The following CD1B variants were observed in gnomAD, a reference collection of about 807,000 sequenced individuals.
CD1B encodes the protein CD1b molecule.
In CD1B, 43 loss-of-function variants were observed where a neutral mutation model predicts 39.8. The ratio of observed to expected loss-of-function variants is 1.08; its 90% CI spans 0.85 to 1.39. CD1B has a LOEUF of 1.39. Ranked by LOEUF, CD1B falls within the 40% of genes most tolerant of loss-of-function variation. CD1B has a pLI of 0.00. For missense variants in CD1B, 495 were observed against 403.8 expected (o/e 1.23, Z -1.94); for synonymous variants, 192 against 152.5 (o/e 1.26, Z -1.91).
chr1:158,324,434 A>G (rs1038398268), downstream of CD1B, among the ~76,000 whole-genome samples: 1 of 152,198 alleles, frequency 6.6e-6, no homozygotes, highest in Non-Finnish European at 1.5e-5. Flanking sequence ...CTATTCCACC[A>G]TCTTTCTGAC....
chr1:158,300,638 G>A, the CD1B span, among the ~76,000 whole-genome samples: 1 of 152,110 alleles, frequency 6.6e-6, no homozygotes, highest in Non-Finnish European at 1.5e-5. Context: ...GGTCTGTAAG[G>A]ACTCATTATA....
chr1:158,292,729 C>T, the CD1B span: 7 of 1,614,020 alleles, frequency 4.3e-6, no homozygotes, highest in African/African-American at 6.7e-5. Flanking sequence ...AGCAACTGGG[C>T]ACTAAACATG....
At chr1:158,308,583 C>T in the CD1B span, among the ~76,000 whole-genome samples, 2 of 152,162 alleles carry the variant, frequency 1.3e-5, no homozygotes, top group Non-Finnish European at 2.9e-5. Context: ...TCAAACTATA[C>T]TACAAGGCTA....
chr1:158,305,578 G>T, the CD1B span, among the ~76,000 whole-genome samples: 2 of 152,080 alleles, frequency 1.3e-5, no homozygotes, highest in East Asian at 1.9e-4. Context: ...GAAATACAGA[G>T]AATGCCACAA....
In CD1B at chr1:158,331,360, T is replaced by C. The variant is rs1339140623; in HGVS notation, c.61+3A>G. On this transcript the variant is annotated splice_donor_region_variant and intron_variant, in intron 1 of 5. Transcript: ENST00000368168. ...TGCTGGGAGCTGCCAGAGTGACTCT[T>C]ACCATGTTCACTGTTACCACCAGGA... is the stretch of plus-strand genomic sequence containing the variant. The C allele has an allele frequency of 1.9e-6, 3 of 1,613,094 alleles. No individual in the cohort carries two copies. Among genetic ancestry groups the C allele is most frequent in the Non-Finnish European group, 2.5e-6 (3 of 1,179,094 alleles).
the CD1B span, among the ~76,000 whole-genome samples, chr1:158,310,364 T>C: frequency 2.6e-5 from 4 of 152,092 alleles, no homozygotes; most frequent in Non-Finnish European, 4.4e-5. Flanking sequence ...ACTACAGAAA[T>C]CTTGGAAGAA....
chr1:158,306,927 G>A, the CD1B span, among the ~76,000 whole-genome samples: 23 of 151,902 alleles, frequency 1.5e-4, no homozygotes, highest in Non-Finnish European at 3.2e-4. Context: ...ACACATTCAA[G>A]GCAGTGTGTA....
At chr1:158,298,720 A>G in the CD1B span, among the ~76,000 whole-genome samples, 1 of 152,162 alleles carries the variant, frequency 6.6e-6, no homozygotes, top group African/African-American at 2.4e-5. Context: ...CTCCTTGAAG[A>G]GGTCCTTCAC....
the CD1B span, among the ~76,000 whole-genome samples, chr1:158,317,228 G>C: frequency 3.7e-4 from 56 of 152,010 alleles, 1 homozygote; most frequent in South Asian, 0.012. Flanking sequence ...AATAGTTTCA[G>C]AAGGAATGGT....
downstream of CD1B, among the ~76,000 whole-genome samples, chr1:158,327,795 G>A (rs1485803809): frequency 6.6e-6 from 1 of 152,170 alleles, no homozygotes; most frequent in Non-Finnish European, 1.5e-5. Context: ...AATTCATCCA[G>A]GCAGAGACAG....
chr1:158,315,863 G>A, the CD1B span, among the ~76,000 whole-genome samples: 1,510 of 152,088 alleles, frequency 9.9e-3, 38 homozygotes, highest in African/African-American at 0.035. Context: ...TCCAGTTTCA[G>A]CTTTCTACAT....
intron 3 of CD1B, 50 bp downstream of exon 3, chr1:158,329,802 C>T: frequency 1.3e-6 from 2 of 1,583,108 alleles, no homozygotes; most frequent in Non-Finnish European, 1.7e-6. Context: ...TATCTTCCTA[C>T]TCTTGATCTT....
chr1:158,305,233 A>G, the CD1B span, among the ~76,000 whole-genome samples: 1 of 152,208 alleles, frequency 6.6e-6, no homozygotes, highest in African/African-American at 2.4e-5. Context: ...AATGCAGAGA[A>G]GTCTTTAAAG....
At chr1:158,305,695 C>T in the CD1B span, among the ~76,000 whole-genome samples, 3 of 152,170 alleles carry the variant, frequency 2.0e-5, no homozygotes, top group African/African-American at 4.8e-5. Flanking sequence ...GGTGGGGTTA[C>T]CCACAAAGGG....
At chr1:158,320,308 A>C in the CD1B span, among the ~76,000 whole-genome samples, 1 of 152,184 alleles carries the variant, frequency 6.6e-6, no homozygotes, top group African/African-American at 2.4e-5. Flanking sequence ...GCAATCAGCT[A>C]GACTCTGTGG....
chr1:158,327,781 T>C (rs1652411026), downstream of CD1B, among the ~76,000 whole-genome samples: 1 of 152,200 alleles, frequency 6.6e-6, no homozygotes, highest in African/African-American at 2.4e-5. Flanking sequence ...CCTTCAGGGC[T>C]AGAAATTCAT....
chr1:158,326,539 G>GA, downstream of CD1B, among the ~76,000 whole-genome samples: 1 of 152,032 alleles, frequency 6.6e-6, no homozygotes, highest in Non-Finnish European at 1.5e-5. Context: ...GAGACAATTG[G>GA]AAAAAATTTG....
chr1:158,304,327 G>A, the CD1B span, among the ~76,000 whole-genome samples: 4,609 of 152,220 alleles, frequency 0.03, 231 homozygotes, highest in African/African-American at 0.1. Flanking sequence ...CTATGCCCAC[G>A]GAGCCTCACT....
At chr1:158,311,061 G>C in the CD1B span, among the ~76,000 whole-genome samples, 2 of 152,064 alleles carry the variant, frequency 1.3e-5, no homozygotes, top group African/African-American at 4.8e-5. Flanking sequence ...TAAAATAAGA[G>C]GTGGAAAAAA....
Sources: allele counts gnomAD v4.1 joint callset (sites outside exome capture counted in the v4.1 genomes callset), GRCh38; gene constraint gnomAD v4.1.1; transcripts MANE v1.5; gene names NCBI Gene and HGNC (gene_info 2026-07-23, HGNC 2026-07-21).